The following PKP3 variants were observed in gnomAD, a reference collection of about 807,000 sequenced individuals.
PKP3 encodes the protein plakophilin-3.
In PKP3, 66 loss-of-function variants were observed where a neutral mutation model predicts 76.5. The ratio of observed to expected loss-of-function variants is 0.86; its 90% CI spans 0.71 to 1.06. The LOEUF (loss-of-function observed/expected upper bound fraction) is 1.06. Ranked by LOEUF, PKP3 falls within the 50% of genes least tolerant of loss-of-function variation. The probability of loss-of-function intolerance (pLI) is 0.00; values close to 1 mark genes in which losing one functional copy is unlikely to be tolerated. For synonymous variants in PKP3, 638 were observed against 516.5 expected, an observed-to-expected ratio of 1.24 and a Z score of -3.19; for missense variants, 1,338 against 1,141.0, an observed-to-expected ratio of 1.17 and a Z score of -2.49.
At chr11:399,938 C>G (rs367978771) in intron 5 of PKP3, 29 bp from the exon 6 acceptor site, 27 of 1,561,638 alleles carry the variant, frequency 1.7e-5, no homozygotes, top group African/African-American at 2.7e-5. Flanking sequence ...GGAGGGCAGA[C>G]GCTGATAGCA....
At position 403,259 on chromosome 11, in the gene PKP3, G is replaced by A. The variant is rs768965722; in HGVS notation, c.1919G>A (p.Arg640His). 146 of 1,571,336 alleles carry A rather than the reference G, an allele frequency of 9.3e-5. 1 individual carries two copies. The South Asian group carries it at 1.6e-3, about 17-fold the overall frequency. The change falls in exon 9 of 13, where the codon CGC becomes CAC. Residue 640 changes from arginine (R) to histidine (H), a missense_variant. Arg to His is a conservative substitution (Grantham distance 29, BLOSUM62 0). Transcript: ENST00000331563. ...GALQNITAGD[R>H]RWAGVLSRLA... is the part of the protein sequence containing the mutation. The stretch of plus-strand genomic sequence containing the variant: ...CTGCAGAACATCACGGCAGGCGACC[G>A]CAGGGTGGGGCACCCAACCCAGACC...
intron 1 of PKP3, 61 bp downstream of exon 1, chr11:394,585 G>A (rs1472709165): frequency 1.3e-5 from 17 of 1,275,160 alleles, no homozygotes; most frequent in Admixed American, 4.1e-5. Flanking sequence ...GCGGGCGGAC[G>A]TGATAGTGTG....
Position 396,802 on chromosome 11 carries a change from C to G in PKP3, c.313-12C>G, listed in dbSNP as rs1455187405. ...CCCAGGCACGCCCTCACCGCCCCCT[C>G]TCGACCCACAGGGCTTCCGGCCCAT... On this transcript the variant is annotated splice_polypyrimidine_tract_variant and intron_variant, in intron 2 of 12. Transcript: ENST00000331563. The G allele has an allele frequency of 1.3e-6, 2 of 1,572,668 alleles. No individual in the cohort carries two copies. Among genetic ancestry groups the G allele is most frequent in the Non-Finnish European group, 1.7e-6 (2 of 1,163,226 alleles).
upstream of PKP3, chr11:393,535 G>A (rs1847003072): frequency 6.6e-6 from 1 of 152,194 alleles, no homozygotes; most frequent in Non-Finnish European, 1.5e-5. Context: ...GGTCCTGGGG[G>A]TGAGTTCCAG....
At position 400,598 on chromosome 11, in the gene PKP3, C is replaced by A; in HGVS notation, c.1630C>A (p.Pro544Thr). Residue 544 changes from proline (P) to threonine (T), a missense_variant, in exon 8 of 13, where the codon CCG (proline) becomes ACG (threonine). Coordinates refer to ENST00000331563, the MANE Select transcript of PKP3 (RefSeq NM_007183.4). ...CTACCGCCTCTACGACGAGATGCCG[C>A]CGTCCGCGCTGCAGCGGCTGGAGGG... is the stretch of plus-strand genomic sequence containing the variant. ...LSYRLYDEMP[P>T]SALQRLEGRG... 6.8e-7 allele frequency: 1 copy of A among 1,466,450 alleles called. No individual in the cohort carries two copies. Among genetic ancestry groups the A allele is most frequent in the Non-Finnish European group, 8.9e-7 (1 of 1,118,250 alleles). The allele number at this position is 1,466,450 out of a possible 1,614,324, so 90.8% of individuals were successfully genotyped here.
At chr11:403,387 G>A in intron 9 of PKP3, 124 bp downstream of exon 9, 1 of 918,820 alleles carries the variant, frequency 1.1e-6, no homozygotes, top group Non-Finnish European at 1.6e-6. Flanking sequence ...TCGGAGGTCA[G>A]CGTCCCGGTG....
Position 403,630 on chromosome 11 carries a change from C to G in PKP3, c.1936C>G (p.Leu646Val). The change falls in exon 10 of 13, where the codon CTG becomes GTG. Residue 646 changes from leucine to valine, a missense_variant. Leu to Val is a conservative substitution (Grantham distance 32). Transcript: ENST00000331563. ...TAGDRRWAGV[L>V]SRLALEQERI... ...TCCCTCCCCACAGTGGGCGGGGGTG[C>G]TGAGCCGCCTGGCCCTGGAGCAGGA... 6.2e-7 allele frequency: 1 copy of G among 1,605,846 alleles called. No homozygotes were observed.
chr11:399,382 G>A (rs1366654583), intron 5 of PKP3, among the ~76,000 whole-genome samples, 186 bp downstream of exon 5: 17 of 32,746 alleles, frequency 5.2e-4, no homozygotes, highest in African/African-American at 2.1e-3. Context: ...CCACCTGCCC[G>A]CCATCTGCCC....
At chr11:393,156 A>G (rs1304696626), upstream of PKP3, among the ~76,000 whole-genome samples, 2 of 124,978 alleles carry the variant, frequency 1.6e-5, no homozygotes, top group Non-Finnish European at 3.2e-5. Context: ...CTCAGAGCCC[A>G]TTTGCTGGCT....
rs1847016095 is a variant in PKP3, at chr11:394,388, CGCCGAGGGGCCGGAG to C, written c.103_117del (p.Gly35_Glu39del). On this transcript the variant is annotated inframe_deletion, in exon 1 of 13. Transcript: ENST00000331563. Reference sequence around the variant, plus strand: ...CTGACCTGCAGCTGGACCGCCGGGGCGCCGAGGGGCCGGAGGCCGAGCGGCTGCGGGCAGCCCGCG... The same window carrying C: ...CTGACCTGCAGCTGGACCGCCGGGGCGCCGAGCGGCTGCGGGCAGCCCGCG... 6.7e-7 allele frequency: 1 copy of C among 1,489,846 alleles called. No individual in the cohort carries two copies. Among genetic ancestry groups the C allele is most frequent in the Non-Finnish European group, 8.9e-7 (1 of 1,127,826 alleles). 92.3% of individuals were successfully genotyped at this position (1,489,846 alleles called of 1,614,324 possible). A position where few individuals can be genotyped will look rare whatever the true frequency, so the allele number is the denominator to read the frequency against.
chr11:399,365 T>TC (rs1847110525), intron 5 of PKP3, among the ~76,000 whole-genome samples, 169 bp downstream of exon 5: 2 of 15,132 alleles, frequency 1.3e-4, no homozygotes, highest in Non-Finnish European at 2.0e-4. Flanking sequence ...CCCTCTGCCT[T>TC]ACCCCCCCAC....
At chr11:400,278 G>T in intron 6 of PKP3, 56 bp from the exon 7 acceptor site, 1 of 1,474,524 alleles carries the variant, frequency 6.8e-7, no homozygotes, top group South Asian at 1.3e-5. Flanking sequence ...CGATGGGTTG[G>T]GGCAAGGCCC....
At chr11:400,260 A>C (rs1199668955) in intron 6 of PKP3, 74 bp from the exon 7 acceptor site, 76 of 1,421,234 alleles carry the variant, frequency 5.3e-5, no homozygotes, top group Non-Finnish European at 7.1e-5. Context: ...TGGGCGTGCG[A>C]GGGCCCACGA....
Position 397,049 on chromosome 11 carries a change from C to T in PKP3, c.548C>T (p.Ser183Leu), listed in dbSNP as rs200932686. ...RADYDTLSLR[S>L]LRLGPGGLDD... ...GACTATGACACACTCTCCCTGCGCT[C>T]GCTGCGGCTGGGGCCCGGGGGCCTG... is the stretch of plus-strand genomic sequence containing the variant. Residue 183 changes from serine to leucine, a missense_variant, in exon 3 of 13, where the codon TCG (serine) becomes TTG (leucine). Transcript: ENST00000331563. The T allele has an allele frequency of 3.8e-6, 6 of 1,599,428 alleles. No individual in the cohort carries two copies. Among genetic ancestry groups the T allele is most frequent in the Non-Finnish European group, 4.2e-6 (5 of 1,179,570 alleles).
In PKP3 at chr11:400,589, G is replaced by A; in HGVS notation, c.1621G>A (p.Glu541Lys). ...LRNLSYRLYDEMPPSALQRLE... is the reference protein window; with the variant it reads ...LRNLSYRLYDKMPPSALQRLE... ...GAACCTGTCCTACCGCCTCTACGAC[G>A]AGATGCCGCCGTCCGCGCTGCAGCG... Residue 541 changes from glutamate to lysine, a missense_variant, in exon 8 of 13, where the codon GAG (glutamate) becomes AAG (lysine). Transcript: ENST00000331563. 2.0e-6 allele frequency: 3 copies of A among 1,472,596 alleles called. No homozygotes were observed. Among genetic ancestry groups the A allele is most frequent in the South Asian group, 1.3e-5 (1 of 76,398 alleles). The allele number at this position is 1,472,596 out of a possible 1,614,324, so 91.2% of individuals were successfully genotyped here.
At chr11:397,491 C>T (rs368219528) in intron 3 of PKP3, 46 bp downstream of exon 3, 1 of 1,611,912 alleles carries the variant, frequency 6.2e-7, no homozygotes, top group African/African-American at 1.3e-5. Context: ...TACCACGGGC[C>T]CAGCCTGAAC....
At position 397,674 on chromosome 11, in the gene PKP3, G is replaced by A. The variant is rs776110670; in HGVS notation, c.1068+12G>A. 2.7e-5 allele frequency: 44 copies of A among 1,607,858 alleles called. No individual in the cohort carries two copies. The highest frequency in any genetic ancestry group is 4.4e-5 in the South Asian group (4 of 90,628). On this transcript the variant is annotated intron_variant, in intron 4 of 12. Transcript: ENST00000331563. ...CCGCCAAGAAGCAGGTGACCACCCC[G>A]ACCACCCACTCGCTGCCCCCTGGTG...
At chr11:399,350 T>C (rs1450435798) in intron 5 of PKP3, among the ~76,000 whole-genome samples, 154 bp downstream of exon 5, 10 of 12,858 alleles carry the variant, frequency 7.8e-4, no homozygotes, top group African/African-American at 1.8e-3. Flanking sequence ...CTACTCCTCC[T>C]CCCCCCCTCT....
At position 396,868 on chromosome 11, in the gene PKP3, T is replaced by TCCG; in HGVS notation, c.371_373dup (p.Ala124dup). 1 of 1,600,064 alleles carries TCCG rather than the reference T, an allele frequency of 6.2e-7. No homozygotes were observed. Among genetic ancestry groups the TCCG allele is most frequent in the Non-Finnish European group, 8.5e-7 (1 of 1,176,606 alleles). On this transcript the variant is annotated inframe_insertion, in exon 3 of 13. Coordinates refer to ENST00000331563, the MANE Select transcript of PKP3 (RefSeq NM_007183.4). ...CAGCCCAGCCTCCTGGTCCTCCCGC[T>TCCG]CCGCCGTGGATCTGAGCTGCAGTCG...
Sources: gnomAD v4.1 joint callset for allele counts (sites outside exome capture counted in the v4.1 genomes callset) on GRCh38, gnomAD v4.1.1 for gene constraint, MANE v1.5 for transcripts, NCBI Gene and HGNC (gene_info 2026-07-23, HGNC 2026-07-21) for gene names.